The following LBX2 variants were observed in gnomAD, a reference collection of about 807,000 sequenced individuals.
The protein encoded by LBX2 is transcription factor LBX2.
A neutral mutation model predicts 7.5 loss-of-function variants in LBX2; 6 were observed. The ratio of observed to expected loss-of-function variants is 0.80; its 90% CI spans 0.44 to 1.59. The LOEUF (loss-of-function observed/expected upper bound fraction) is 1.59. Among genes scored for constraint, LBX2 ranks in the 40% most tolerant of loss-of-function variants. LBX2 has a pLI of 0.01. For synonymous variants in LBX2, 143 were observed against 133.2 expected (o/e 1.07, Z -0.51); for missense variants, 281 against 282.0 (o/e 1.00, Z 0.03).
rs772393711 is a variant in LBX2 at position 74,498,271 on chromosome 2, G to A, written c.253C>T (p.Arg85Trp). ...ALGPGPFGRK[R>W]RKSRTAFTAQ... ...GTGAACGCAGTGCGTGACTTGCGCCGTTTGCGGCCGAAGGGACCAGGGCCC... is the reference window on the plus strand; with the variant it reads ...GTGAACGCAGTGCGTGACTTGCGCCATTTGCGGCCGAAGGGACCAGGGCCC... Residue 85 changes from arginine (R) to tryptophan (W), a missense_variant, in exon 2 of 2, where the codon CGG (arginine) becomes TGG (tryptophan). Arg to Trp is a moderately radical substitution (Grantham distance 101, BLOSUM62 -3). This residue lies in a region of LBX2 where 216 missense variants were observed against 208.7 expected (regional missense o/e 1.03). Transcript: ENST00000377566. 9.5e-6 allele frequency: 15 copies of A among 1,586,088 alleles called. No individual in the cohort carries two copies. The highest frequency in any genetic ancestry group is 1.3e-5 in the Non-Finnish European group (15 of 1,170,086).
chr2:74,502,732 G>A (rs376381341), upstream of LBX2: 12 of 1,614,012 alleles, frequency 7.4e-6, no homozygotes, highest in African/African-American at 1.3e-5. This position sits in a 1 kb window ranked among gnomAD's most constrained non-coding sequence, Gnocchi z 5.4. Context: ...ATCTCTGCGC[G>A]CCCACCGCCA....
intron 1 of LBX2, chr2:74,498,845 A>G (rs1365495696): frequency 5.1e-6 from 1 of 194,840 alleles, no homozygotes; most frequent in African/African-American, 2.3e-5. Context: ...AGAGCGAGAA[A>G]AGGCAGAGTG....
chr2:74,498,993 A>G (rs1013031753), intron 1 of LBX2: 14 of 346,642 alleles, frequency 4.0e-5, no homozygotes, highest in African/African-American at 2.1e-4. Context: ...TTGCAGGCTC[A>G]CTCGTTTACC....
upstream of LBX2, chr2:74,502,711 G>A: frequency 2.5e-6 from 4 of 1,614,212 alleles, no homozygotes; most frequent in Non-Finnish European, 3.4e-6. This position sits in a 1 kb window ranked among gnomAD's most constrained non-coding sequence, Gnocchi z 5.4. Flanking sequence ...CCTGGACGCT[G>A]TTTTGCAAAG....
chr2:74,503,033 C>T (rs1674531360), upstream of LBX2: 1 of 585,080 alleles, frequency 1.7e-6, no homozygotes, highest in Non-Finnish European at 2.9e-6. The surrounding 1 kb of genome is among the most constrained non-coding windows in gnomAD (Gnocchi z 5.1). Flanking sequence ...CGCCTTGTCC[C>T]GGAAGCGCAG....
upstream of LBX2, chr2:74,501,770 G>C (rs538019387): frequency 2.6e-5 from 4 of 152,324 alleles, no homozygotes; most frequent in South Asian, 8.3e-4. Flanking sequence ...ACTGGAACTC[G>C]AGCTGGGGCG....
upstream of LBX2, chr2:74,502,333 A>T: frequency 3.2e-6 from 1 of 316,118 alleles, no homozygotes; most frequent in Non-Finnish European, 5.8e-6. This position sits in a 1 kb window ranked among gnomAD's most constrained non-coding sequence, Gnocchi z 5.4. Context: ...GGTGGCACGG[A>T]GGCCTGCTCA....
upstream of LBX2, among the ~76,000 whole-genome samples, chr2:74,500,806 C>G (rs1674470041): frequency 6.6e-6 from 1 of 152,218 alleles, no homozygotes; most frequent in African/African-American, 2.4e-5. Flanking sequence ...AGCCCTGCCA[C>G]TCCTGAGGAG....
chr2:74,502,503 G>A (rs527319725), upstream of LBX2: 285 of 674,158 alleles, frequency 4.2e-4, 3 homozygotes, highest in South Asian at 5.3e-3. The surrounding 1 kb of genome is among the most constrained non-coding windows in gnomAD (Gnocchi z 5.4). Flanking sequence ...CTTAGGAAAC[G>A]TCCGTGAACC....
chr2:74,499,239 G>T lies in LBX2; in HGVS notation c.205+94C>A. ...GGACAGGGGAGGATTAGGGTGGGTG[G>T]CCTGGGCTGGGACAAAGGTTTGAGA... On this transcript the variant is annotated intron_variant, in intron 1 of 1. Coordinates refer to ENST00000377566, the MANE Select transcript of LBX2 (RefSeq NM_001282430.2). The surrounding 1 kb of genome is among the most constrained non-coding windows in gnomAD (Gnocchi z 4.6). The T allele has an allele frequency of 1.7e-6, 2 of 1,154,840 alleles. No individual in the cohort carries two copies. Among genetic ancestry groups the T allele is most frequent in the Non-Finnish European group, 2.5e-6 (2 of 797,702 alleles). 71.5% of individuals were successfully genotyped at this position (1,154,840 alleles called of 1,614,324 possible).
chr2:74,502,685 G>C (rs902738443), upstream of LBX2: 31 of 1,614,002 alleles, frequency 1.9e-5, no homozygotes, highest in Non-Finnish European at 2.3e-5. This position sits in a 1 kb window ranked among gnomAD's most constrained non-coding sequence, Gnocchi z 5.4. Flanking sequence ...CGGCAGGCCT[G>C]TGAGTTGTTT....
chr2:74,498,454 A>C, intron 1 of LBX2, 136 bp from the exon 2 acceptor site: 1 of 704,078 alleles, frequency 1.4e-6, no homozygotes, highest in Non-Finnish European at 2.3e-6. Context: ...CGGAGACCAG[A>C]ACTGTGATCC....
upstream of LBX2, among the ~76,000 whole-genome samples, chr2:74,500,279 G>A (rs1032889469): frequency 2.0e-5 from 3 of 152,174 alleles, no homozygotes; most frequent in South Asian, 2.1e-4. Context: ...GGAGACCCGG[G>A]CCGCAGGAGA....
upstream of LBX2, chr2:74,499,629 G>A (rs1674443149): frequency 2.2e-6 from 3 of 1,358,888 alleles, no homozygotes; most frequent in Non-Finnish European, 3.0e-6. This position sits in a 1 kb window ranked among gnomAD's most constrained non-coding sequence, Gnocchi z 4.6. Flanking sequence ...CGGGCCCCCA[G>A]CCTCGGACCC....
upstream of LBX2, chr2:74,499,655 C>A: frequency 9.0e-7 from 1 of 1,113,592 alleles, no homozygotes; most frequent in South Asian, 1.6e-5. This position sits in a 1 kb window ranked among gnomAD's most constrained non-coding sequence, Gnocchi z 4.6. Flanking sequence ...CGGCTCTGGG[C>A]CCGAGTCCCG....
In LBX2 at chr2:74,498,015, CCTT is replaced by C; in HGVS notation, c.506_508del (p.Glu169del). The C allele has an allele frequency of 6.2e-7, 1 of 1,612,356 alleles. No individual in the cohort carries two copies. Among genetic ancestry groups the C allele is most frequent in the South Asian group, 1.1e-5 (1 of 91,014 alleles). ...GAGGCAGAGGCCGGGATCTGGAGCG[CCTT>C]CGGGCAGTGCTAAGCTGCACAGGAC... On this transcript the variant is annotated inframe_deletion, in exon 2 of 2. Transcript: ENST00000377566.
chr2:74,502,854 T>C, upstream of LBX2: 1 of 1,598,214 alleles, frequency 6.3e-7, no homozygotes, highest in Non-Finnish European at 8.6e-7. The surrounding 1 kb of genome is among the most constrained non-coding windows in gnomAD (Gnocchi z 5.4). Flanking sequence ...AAGTCCTTTT[T>C]CCCATCAAGC....
Position 74,499,096 on chromosome 2 carries a change from T to C in LBX2, c.205+237A>G. 1 of 588,848 alleles carries C rather than the reference T, an allele frequency of 1.7e-6. No homozygotes were observed. The highest frequency in any genetic ancestry group is 2.1e-5 in the South Asian group (1 of 48,510). The allele number at this position is 588,848 out of a possible 1,614,324, so 36.5% of individuals were successfully genotyped here. On this transcript the variant is annotated intron_variant, in intron 1 of 1. Transcript: ENST00000377566. The surrounding 1 kb of genome is among the most constrained non-coding windows in gnomAD (Gnocchi z 4.6). ...GGAACAGAGCAACAGGTCGCTCAGT[T>C]GGCGACGGTCTGCCCTTTTCCCTTG...
chr2:74,498,100 G>A lies in LBX2; in HGVS notation c.424C>T (p.Arg142Cys), dbSNP rs1305979393. ...TCGGCGCGCATCTCCTCCACATCGC[G>A]CTTGAGCTTGGCTCGCCGGTTCTGG... ...WFQNRRAKLK[R>C]DVEEMRADVA... The change falls in exon 2 of 2, where the codon CGC (arginine) becomes TGC (cysteine). Residue 142 changes from arginine to cysteine, a missense_variant. By Grantham distance (180) the Arg-to-Cys change is radical (BLOSUM62 -3). Around this residue, in one of 3 missense-constraint regions of LBX2, gnomAD observed 216 missense variants for 208.7 expected, o/e 1.03. Transcript: ENST00000377566. The A allele has an allele frequency of 9.9e-6, 16 of 1,613,076 alleles. No homozygotes were observed. Among genetic ancestry groups the A allele is most frequent in the Non-Finnish European group, 1.3e-5 (15 of 1,179,744 alleles).
Sources: gnomAD v4.1 joint callset for allele counts (sites outside exome capture counted in the v4.1 genomes callset) on GRCh38, gnomAD v4.1.1 for gene constraint, gnomAD v4.1.1 regional missense constraint, Gnocchi (gnomAD v3.1) non-coding constraint, MANE v1.5 for transcripts, NCBI Gene and HGNC (gene_info 2026-07-23, HGNC 2026-07-21) for gene names.